The following GDAP1 variants were observed in gnomAD, a reference collection of about 807,000 sequenced individuals.
GDAP1 encodes ganglioside-induced differentiation-associated protein 1.
In GDAP1, 34 loss-of-function variants were observed where a neutral mutation model predicts 40.1. That is an observed-to-expected ratio of 0.85 (90% confidence interval 0.64 to 1.13). The LOEUF is 1.13. Ranked by LOEUF, GDAP1 falls within the 50% of genes most tolerant of loss-of-function variation. The pLI, the probability that GDAP1 is intolerant of heterozygous loss-of-function variation, is 0.00. For missense variants in GDAP1, 374 were observed against 433.7 expected (o/e 0.86, Z 1.22); for synonymous variants, 170 against 157.4 (o/e 1.08, Z -0.60).
rs1808871078 is a variant in GDAP1 at position 74,351,444 on chromosome 8, T to G, written c.288T>G (p.Tyr96Ter). The G allele has an allele frequency of 6.2e-7, 1 of 1,613,550 alleles. No individual in the cohort carries two copies. Among genetic ancestry groups the G allele is most frequent in the Non-Finnish European group, 8.5e-7 (1 of 1,179,536 alleles). ...GTGAGGCCACTCAGATCATTGATTATCTTGAACAGACTTTCCTGGATGGTA... is the reference window on the plus strand; with the variant it reads ...GTGAGGCCACTCAGATCATTGATTAGCTTGAACAGACTTTCCTGGATGGTA... Reference protein sequence around the residue: ...IICEATQIIDYLEQTFLDERT... With the variant: ...IICEATQIID The change falls in exon 2 of 6, where the codon TAT becomes TAG. Residue 96 changes from tyrosine to a stop codon, truncating the protein, a stop_gained. Coordinates refer to ENST00000220822, the MANE Select transcript of GDAP1 (RefSeq NM_018972.4). LOFTEE classifies it high-confidence loss of function.
chr8:74,382,383 T>C (rs1194889777), intron 2 of GDAP1, among the ~76,000 whole-genome samples: 1 of 151,558 alleles, frequency 6.6e-6, no homozygotes, highest in Non-Finnish European at 1.5e-5. Flanking sequence ...GTGGTTTTTT[T>C]TTTTTTCTAG....
At chr8:74,418,349 A>G (rs1805810961) in intron 2 of GDAP1, among the ~76,000 whole-genome samples, 1 of 152,256 alleles carries the variant, frequency 6.6e-6, no homozygotes, top group South Asian at 2.1e-4. Flanking sequence ...ATATGGGTCA[A>G]TTGAACAAAA....
rs756509697 is a variant in GDAP1, at chr8:74,364,040, A to G, written c.750A>G (p.Ser250=). The part of the protein sequence containing the change: ...CGESFTLADV[S]LAVTLHRLKF... ...AATCCTTCACCCTGGCAGACGTCTC[A>G]CTCGCTGTCACATTGCATCGACTGA... The change falls in exon 6 of 6, where the codon TCA becomes TCG. Residue 250 remains serine (S), a synonymous_variant. Coordinates refer to ENST00000220822, the MANE Select transcript of GDAP1 (RefSeq NM_018972.4). 1 of 1,613,946 alleles carries G rather than the reference A, an allele frequency of 6.2e-7. No individual in the cohort carries two copies. The highest frequency in any genetic ancestry group is 8.5e-7 in the Non-Finnish European group (1 of 1,179,906).
At chr8:74,459,034 G>A (rs987900507) in intron 2 of GDAP1, among the ~76,000 whole-genome samples, 8 of 152,078 alleles carry the variant, frequency 5.3e-5, no homozygotes, top group Non-Finnish European at 1.0e-4. Context: ...ATTAGTTTGC[G>A]CAGCCCTTGG....
chr8:74,426,314 T>C (rs536275364), intron 2 of GDAP1, among the ~76,000 whole-genome samples: 1 of 152,254 alleles, frequency 6.6e-6, no homozygotes, highest in Non-Finnish European at 1.5e-5. Context: ...GTAACTAAAG[T>C]GCAGACTAAT....
rs537129757 is a variant in GDAP1 at position 74,483,495 on chromosome 8, T to C, written c.166-5183T>C. Among the ~76,000 whole-genome samples the C allele has an allele frequency of 7.2e-5, 11 of 152,224 alleles. No individual in the cohort carries two copies. The South Asian group carries it at 2.3e-3, about 32-fold the overall frequency. On this transcript the variant is annotated intron_variant, in intron 2 of 2. Transcript: ENST00000523640. ...GGAAGTCATTCATTTTTCCTCCTTA[T>C]TAAAGGGTACTCTCAAGATAAAGTA... is the stretch of plus-strand genomic sequence containing the variant.
intron 2 of GDAP1, among the ~76,000 whole-genome samples, chr8:74,423,046 T>C (rs1805899390): frequency 1.4e-5 from 2 of 147,910 alleles, no homozygotes; most frequent in Admixed American, 1.4e-4. Context: ...TATATGCTAT[T>C]ATATGTAATA....
intron 2 of GDAP1, among the ~76,000 whole-genome samples, chr8:74,408,916 G>C (rs374122181): frequency 2.0e-5 from 3 of 149,948 alleles, no homozygotes; most frequent in African/African-American, 7.6e-5. Flanking sequence ...TTTATTATTG[G>C]CTGGAAATTC....
chr8:74,380,502 C>CT (rs5892455), intron 2 of GDAP1, among the ~76,000 whole-genome samples: 64,410 of 148,850 alleles, frequency 0.43, 13,818 homozygotes, highest in Middle Eastern at 0.51. Context: ...CCTACAGAGT[C>CT]TTTTTTTTTT....
intron 2 of GDAP1, among the ~76,000 whole-genome samples, chr8:74,468,229 C>T (rs1806498572): frequency 6.6e-6 from 1 of 151,556 alleles, no homozygotes; most frequent in South Asian, 2.1e-4. Context: ...TCTTCTTTTT[C>T]AGTGGTTTCT....
rs1809652304 is a variant in GDAP1, at chr8:74,366,663, A to C, written c.*2296A>C. 4.4e-6 allele frequency: 2 copies of C among 453,566 alleles called. No homozygotes were observed. Among genetic ancestry groups the C allele is most frequent in the Non-Finnish European group, 8.8e-6 (2 of 226,444 alleles). 28.1% of individuals were successfully genotyped at this position (453,566 alleles called of 1,614,324 possible). ...ATGTTGGCTTTTTGTGTCTTAACAC[A>C]CATAAATACTATTGTTATTGCAGCA... On this transcript the variant is annotated 3_prime_UTR_variant, in exon 6 of 6. Transcript: ENST00000220822.
chr8:74,399,630 A>AATTGTG (rs1345814867), intron 2 of GDAP1, among the ~76,000 whole-genome samples: 4 of 133,718 alleles, frequency 3.0e-5, no homozygotes, highest in African/African-American at 1.3e-4. Flanking sequence ...TAGTTCTTTT[A>AATTGTG]ATTGTGATGT....
At chr8:74,467,833 T>C (rs1248170640) in intron 2 of GDAP1, among the ~76,000 whole-genome samples, 1 of 152,330 alleles carries the variant, frequency 6.6e-6, no homozygotes, top group African/African-American at 2.4e-5. Flanking sequence ...GAGTTGTTCT[T>C]AGGCCCTATA....
intron 2 of GDAP1, among the ~76,000 whole-genome samples, chr8:74,435,287 A>G (rs941321874): frequency 6.6e-6 from 1 of 152,202 alleles, no homozygotes; most frequent in Non-Finnish European, 1.5e-5. Context: ...AATATTGTAA[A>G]TATGAATCCT....
rs548372116 is a variant in GDAP1, at chr8:74,454,215, A to G, written c.166-34463A>G. On this transcript the variant is annotated intron_variant, in intron 2 of 2. Coordinates refer to the GDAP1 transcript ENST00000523640. ...AGAAATGAGTCTGAACACTTTCTAA[A>G]TGTGCTTATGTGGGAGGAGTTCAGA... 3.0e-3 allele frequency among the ~76,000 whole-genome samples: 251 copies of G among 83,258 alleles called. 99 individuals carry two copies. The Middle Eastern group carries it at 0.055, about 18-fold the overall frequency. The allele number at this position is 83,258 out of a possible 152,430, so 54.6% of individuals were successfully genotyped here. A position where few individuals can be genotyped will look rare whatever the true frequency, so the allele number is the denominator to read the frequency against.
intron 2 of GDAP1, among the ~76,000 whole-genome samples, chr8:74,387,634 G>A (rs1014705228): frequency 3.9e-5 from 6 of 152,088 alleles, no homozygotes; most frequent in East Asian, 1.9e-4. Flanking sequence ...ATATTAGCCC[G>A]AAATTTTCTT....
At chr8:74,480,778 A>G (rs1309030551) in intron 2 of GDAP1, among the ~76,000 whole-genome samples, 1 of 152,168 alleles carries the variant, frequency 6.6e-6, no homozygotes, top group African/African-American at 2.4e-5. Flanking sequence ...TCTGTTTCTT[A>G]TTAAACCTAT....
intron 2 of GDAP1, among the ~76,000 whole-genome samples, chr8:74,486,551 G>A (rs1291865974): frequency 6.6e-6 from 1 of 152,198 alleles, no homozygotes; most frequent in Non-Finnish European, 1.5e-5. Context: ...TTCACACAAA[G>A]AGGTTGAAAG....
intron 2 of GDAP1, among the ~76,000 whole-genome samples, chr8:74,469,929 G>A (rs1394969053): frequency 1.3e-5 from 2 of 152,046 alleles, no homozygotes; most frequent in East Asian, 1.9e-4. Flanking sequence ...AGCCAAGATC[G>A]CACCATTGCA....
Sources: allele counts gnomAD v4.1 joint callset (sites outside exome capture counted in the v4.1 genomes callset), GRCh38; gene constraint gnomAD v4.1.1; transcripts MANE v1.5; gene names NCBI Gene and HGNC (gene_info 2026-07-23, HGNC 2026-07-21).